KDM4C: variants seen among roughly 807,000 people sequenced by gnomAD.
KDM4C encodes lysine demethylase 4C, also known as lysine-specific demethylase 4C.
Under a neutral mutation model 129.3 loss-of-function variants are expected in KDM4C, and 81 were observed. That is an observed-to-expected ratio of 0.63 (90% CI 0.52 to 0.75). KDM4C has a LOEUF of 0.75. Ranked by LOEUF, KDM4C falls within the 30% of genes least tolerant of loss-of-function variation. KDM4C has a pLI of 0.00. For synonymous variants in KDM4C, 573 were observed against 456.1 expected, an observed-to-expected ratio of 1.26 and a Z score of -3.26; for missense variants, 1,457 against 1,304.0, an observed-to-expected ratio of 1.12 and a Z score of -1.81.
intron 8 of KDM4C, chr9:6,924,766 A>C (rs913161999): frequency 1.0e-6 from 1 of 983,890 alleles, no homozygotes; most frequent in African/African-American, 1.7e-5. Flanking sequence ...AAAACTTAAA[A>C]TGTTTAAAGT....
intron 5 of KDM4C, among the ~76,000 whole-genome samples, chr9:6,871,054 C>T (rs1471521740): frequency 6.6e-6 from 1 of 152,160 alleles, no homozygotes; most frequent in African/African-American, 2.4e-5. Flanking sequence ...CAACAGAAAC[C>T]ATTTGTTCCT....
intron 17 of KDM4C, among the ~76,000 whole-genome samples, chr9:7,061,650 G>T (rs1444536537): frequency 6.6e-6 from 1 of 152,224 alleles, no homozygotes; most frequent in Non-Finnish European, 1.5e-5. Flanking sequence ...GAGGCAGGAG[G>T]GCAGGTGGTC....
chr9:6,750,051 G>C (rs1012095883), intron 1 of KDM4C, among the ~76,000 whole-genome samples: 3 of 151,230 alleles, frequency 2.0e-5, no homozygotes, highest in Admixed American at 6.6e-5. Context: ...ACTTGCTGTG[G>C]TGTAGGCCAA....
intron 17 of KDM4C, among the ~76,000 whole-genome samples, chr9:7,097,634 G>A (rs1836593462): frequency 6.6e-6 from 1 of 152,146 alleles, no homozygotes; most frequent in South Asian, 2.1e-4. Context: ...GGGCTGGGTG[G>A]AGGTAGGTAA....
chr9:6,732,753 C>G (rs1337187837), intron 1 of KDM4C, among the ~76,000 whole-genome samples: 1 of 148,528 alleles, frequency 6.7e-6, no homozygotes, highest in African/African-American at 2.5e-5. Context: ...TGGCTCACGC[C>G]TATAACTGCA....
intron 15 of KDM4C, among the ~76,000 whole-genome samples, chr9:7,037,945 A>G (rs901704230): frequency 6.6e-6 from 1 of 152,116 alleles, no homozygotes; most frequent in African/African-American, 2.4e-5. Context: ...TGGAAAAGCC[A>G]TGCTCATTAA....
intron 3 of KDM4C, among the ~76,000 whole-genome samples, chr9:6,807,775 C>A (rs1297466601): frequency 4.9e-5 from 7 of 142,538 alleles, no homozygotes; most frequent in African/African-American, 1.4e-4. Flanking sequence ...GCAGCCACCC[C>A]GTCTGGGAGG....
At chr9:6,840,217 C>T (rs1588627034) in intron 4 of KDM4C, among the ~76,000 whole-genome samples, 2 of 151,720 alleles carry the variant, frequency 1.3e-5, no homozygotes, top group Admixed American at 6.6e-5. Context: ...GGGCTACAGG[C>T]GGGTGCCACC....
intron 3 of KDM4C, among the ~76,000 whole-genome samples, chr9:6,813,999 T>C (rs1183482065): frequency 6.6e-6 from 1 of 152,206 alleles, no homozygotes; most frequent in East Asian, 1.9e-4. Flanking sequence ...CAACTGTTAT[T>C]GTACACATCT....
chr9:6,731,731 C>G (rs1234490455), intron 1 of KDM4C, among the ~76,000 whole-genome samples: 1 of 152,118 alleles, frequency 6.6e-6, no homozygotes, highest in East Asian at 1.9e-4. Flanking sequence ...AAAATTATCC[C>G]TTTCTGGTCA....
At position 6,758,998 on chromosome 9, in the gene KDM4C, C is replaced by G. The variant is rs1054299182; in HGVS notation, c.-18+795C>G. On this transcript the variant is annotated intron_variant, in intron 1 of 21. Coordinates refer to ENST00000381309, the MANE Select transcript of KDM4C (RefSeq NM_015061.6). The surrounding 1 kb of genome is among the most constrained non-coding windows in gnomAD (Gnocchi z 4.6). ...GCGTGGACTTGATGCTGGGCTCCCC[C>G]TTTGCTGCGCGGTGCAAGCCTGCGC... 6.6e-6 allele frequency among the ~76,000 whole-genome samples: 1 copy of G among 151,076 alleles called. No homozygotes were observed. The highest frequency in any genetic ancestry group is 1.5e-5 in the Non-Finnish European group (1 of 68,006).
Position 7,128,050 on chromosome 9 carries a change from G to A in KDM4C, c.2611-16G>A. ...CTCTTACTTCTTTTCTTCCTTTTTT[G>A]TGTCCCTTCTTTTAGAAGTCCAAGG... On this transcript the variant is annotated splice_polypyrimidine_tract_variant and intron_variant, in intron 18 of 21. Coordinates refer to ENST00000381309, the MANE Select transcript of KDM4C (RefSeq NM_015061.6). 1 of 1,440,412 alleles carries A rather than the reference G, an allele frequency of 6.9e-7. No homozygotes were observed. The highest frequency in any genetic ancestry group is 9.2e-7 in the Non-Finnish European group (1 of 1,090,096). The allele number at this position is 1,440,412 out of a possible 1,614,324, so 89.2% of individuals were successfully genotyped here. A position where few individuals can be genotyped will look rare whatever the true frequency, so the allele number is the denominator to read the frequency against.
intron 17 of KDM4C, among the ~76,000 whole-genome samples, chr9:7,069,931 A>G (rs1471078793): frequency 6.6e-6 from 1 of 152,250 alleles, no homozygotes; most frequent in Non-Finnish European, 1.5e-5. Flanking sequence ...ATAGATTGTA[A>G]TTGGGTATTA....
chr9:6,734,107 C>T (rs1024337890), intron 1 of KDM4C, among the ~76,000 whole-genome samples: 1 of 152,038 alleles, frequency 6.6e-6, no homozygotes, highest in Admixed American at 6.6e-5. Context: ...ATTTTACCAG[C>T]CCCTATTCAA....
At chr9:6,939,972 ACCTACCTTCCTTCCTTCCTTCCTT>A (rs1825573017) in intron 8 of KDM4C, among the ~76,000 whole-genome samples, 1 of 106,552 alleles carries the variant, frequency 9.4e-6, no homozygotes, top group Non-Finnish European at 2.0e-5. Context: ...CTACCTACCT[ACCTACCTTCCTTCCTTCCTTCCTT>A]CCTTCCTTCC....
intron 6 of KDM4C, 61 bp downstream of exon 6, chr9:6,880,122 C>G (rs1241834398): frequency 8.9e-7 from 1 of 1,123,004 alleles, no homozygotes; most frequent in Non-Finnish European, 1.3e-6. Flanking sequence ...TTTGTAGGTT[C>G]TTTGTTTTTG....
chr9:7,115,537 C>CA (rs1380684744), intron 18 of KDM4C, among the ~76,000 whole-genome samples: 12 of 152,146 alleles, frequency 7.9e-5, no homozygotes, highest in African/African-American at 2.9e-4. Context: ...GTAGGATATT[C>CA]AATTCCTTCA....
chr9:6,741,446 A>T (rs1456518195), intron 1 of KDM4C, among the ~76,000 whole-genome samples: 3 of 152,026 alleles, frequency 2.0e-5, no homozygotes, highest in Admixed American at 6.6e-5. Flanking sequence ...TATTCTATTT[A>T]CCCGGGTACA....
intron 17 of KDM4C, among the ~76,000 whole-genome samples, chr9:7,074,845 TTC>T (rs1179884260): frequency 1.3e-5 from 2 of 152,188 alleles, no homozygotes; most frequent in Non-Finnish European, 2.9e-5. Flanking sequence ...ACGTTTTTAT[TTC>T]TGTATATCTG....
Sources: allele counts gnomAD v4.1 joint callset (sites outside exome capture counted in the v4.1 genomes callset), GRCh38; gene constraint gnomAD v4.1.1; non-coding constraint Gnocchi (gnomAD v3.1); transcripts MANE v1.5; gene names NCBI Gene and HGNC (gene_info 2026-07-23, HGNC 2026-07-21).